ZNF44: variants seen among roughly 807,000 people sequenced by gnomAD.
ZNF44 encodes zinc finger protein 44.
Under a neutral mutation model 11.7 loss-of-function variants are expected in ZNF44, and 9 were observed. The ratio of observed to expected loss-of-function variants is 0.77; its 90% CI spans 0.46 to 1.35. The LOEUF (loss-of-function observed/expected upper bound fraction) is 1.35. Among genes scored for constraint, ZNF44 ranks in the 40% most tolerant of loss-of-function variants. ZNF44 has a pLI of 0.00. For missense variants in ZNF44, 696 were observed against 743.1 expected (o/e 0.94, Z 0.74); for synonymous variants, 224 against 242.7 (o/e 0.92, Z 0.72).
At chr19:12,250,389 G>C (rs755359376) in intron 5 of ZNF44, 1 of 1,343,424 alleles carries the variant, frequency 7.4e-7, no homozygotes. Context: ...CCAAATGTGT[G>C]TAAAGGAGAA....
upstream of ZNF44, among the ~76,000 whole-genome samples, chr19:12,240,261 C>T (rs182465530): frequency 5.3e-5 from 8 of 151,648 alleles, no homozygotes; most frequent in East Asian, 2.0e-4. Flanking sequence ...ATGGCCAACA[C>T]GGTGAAACCC....
chr19:12,228,602 A>G (rs191300827), intron 3 of ZNF44, among the ~76,000 whole-genome samples: 20 of 152,308 alleles, frequency 1.3e-4, no homozygotes, highest in Middle Eastern at 3.4e-3. Flanking sequence ...ACATGCCTCA[A>G]CTTTCTGACT....
intron 2 of ZNF44, among the ~76,000 whole-genome samples, chr19:12,232,581 A>G (rs79408090): frequency 5.9e-5 from 9 of 152,228 alleles, no homozygotes; most frequent in Admixed American, 1.3e-4. Context: ...TCTGTTTAAC[A>G]AAGCACATCT....
chr19:12,266,262 C>T, intron 5 of ZNF44: 1 of 985,382 alleles, frequency 1.0e-6, no homozygotes, highest in Non-Finnish European at 1.2e-6. Flanking sequence ...GGACCCCAGC[C>T]CGGCACACTC....
At chr19:12,258,221 T>A (rs1917346316) in intron 5 of ZNF44, among the ~76,000 whole-genome samples, 1 of 148,822 alleles carries the variant, frequency 6.7e-6, no homozygotes, top group Non-Finnish European at 1.5e-5. Flanking sequence ...TGGTCTCAGC[T>A]TCTCAGGAAG....
chr19:12,277,770 G>A (rs1332828066), intron 1 of ZNF44, among the ~76,000 whole-genome samples: 2 of 152,150 alleles, frequency 1.3e-5, no homozygotes, highest in Non-Finnish European at 2.9e-5. Flanking sequence ...ATCACATTTT[G>A]TTTCCACATT....
chr19:12,237,972 A>G (rs1047605157), upstream of ZNF44: 4 of 152,218 alleles, frequency 2.6e-5, no homozygotes, highest in African/African-American at 4.8e-5. Context: ...TCCGTGTCCA[A>G]TTGAGCCAGT....
chr19:12,257,385 C>T (rs1405988105), intron 5 of ZNF44, among the ~76,000 whole-genome samples: 1 of 152,094 alleles, frequency 6.6e-6, no homozygotes, highest in East Asian at 1.9e-4. Context: ...TGCGGTGGCT[C>T]ACACCTATAA....
intron 1 of ZNF44, chr19:12,284,761 G>T: frequency 1.2e-6 from 1 of 860,372 alleles, no homozygotes; most frequent in Admixed American, 2.0e-5. Flanking sequence ...GCCATCCGCG[G>T]GGCCATCATC....
intron 1 of ZNF44, among the ~76,000 whole-genome samples, chr19:12,280,584 A>G (rs1283045468): frequency 6.6e-6 from 1 of 152,150 alleles, no homozygotes; most frequent in Non-Finnish European, 1.5e-5. Flanking sequence ...AATAATATAC[A>G]TGTTTATCTG....
At chr19:12,271,418 C>A (rs1966944159), downstream of ZNF44, among the ~76,000 whole-genome samples, 1 of 152,146 alleles carries the variant, frequency 6.6e-6, no homozygotes, top group African/African-American at 2.4e-5. Flanking sequence ...TGCAAAGAGT[C>A]AACATCTTCA....
In ZNF44 at chr19:12,294,712, T is replaced by C. The variant is rs1358224841; in HGVS notation, c.-18A>G. ...CTCACCATTTCCCGGCTGTGCGGTG[T>C]CCCGGGTCCTCCCAACTCCCGTAGT... is the stretch of plus-strand genomic sequence containing the variant. On this transcript the variant is annotated 5_prime_UTR_variant, in exon 1 of 4. Coordinates refer to ENST00000355684, the MANE Select transcript of ZNF44 (RefSeq NM_016264.4). The C allele has an allele frequency of 6.4e-7, 1 of 1,556,286 alleles. No individual in the cohort carries two copies. The highest frequency in any genetic ancestry group is 8.7e-7 in the Non-Finnish European group (1 of 1,150,952).
At chr19:12,288,628 G>A (rs965525515) in intron 1 of ZNF44, among the ~76,000 whole-genome samples, 1 of 151,234 alleles carries the variant, frequency 6.6e-6, no homozygotes, top group African/African-American at 2.4e-5. Context: ...AGTAATCCCA[G>A]CTACTCAGGA....
Position 12,273,341 on chromosome 19 carries a change from C to G in ZNF44, c.914G>C (p.Gly305Ala), listed in dbSNP as rs1967056081. 1.2e-6 allele frequency: 2 copies of G among 1,613,838 alleles called. No individual in the cohort carries two copies. The highest frequency in any genetic ancestry group is 1.7e-6 in the Non-Finnish European group (2 of 1,179,912). The change falls in exon 4 of 4, where the codon GGA becomes GCA. Residue 305 changes from glycine (G) to alanine (A), a missense_variant. By Grantham distance (60) the Gly-to-Ala change is moderately conservative. Transcript: ENST00000355684. ...SLRVHERIHT[G>A]EKPYTCKQCG... Reference sequence around the variant, plus strand: ...CTGTTTACATGTATAGGGTTTCTCTCCAGTGTGAATTCTTTCATGTACTCG... The same window carrying G: ...CTGTTTACATGTATAGGGTTTCTCTGCAGTGTGAATTCTTTCATGTACTCG...
downstream of ZNF44, among the ~76,000 whole-genome samples, chr19:12,268,516 C>A (rs1206601012): frequency 3.3e-5 from 5 of 152,262 alleles, no homozygotes; most frequent in African/African-American, 1.2e-4. Context: ...TTTCATTCCA[C>A]ATGATTGCCT....
chr19:12,270,615 C>A (rs372636288), downstream of ZNF44, among the ~76,000 whole-genome samples: 12 of 152,122 alleles, frequency 7.9e-5, no homozygotes, highest in East Asian at 2.3e-3. Context: ...CCAGGCCCAG[C>A]TAATTTTTGT....
At chr19:12,267,847 T>TTA (rs1917789399), downstream of ZNF44, among the ~76,000 whole-genome samples, 3 of 150,830 alleles carry the variant, frequency 2.0e-5, no homozygotes, top group South Asian at 2.1e-4. Context: ...TTTTTTTTTT[T>TTA]AATTTTTGAG....
At chr19:12,288,830 T>C (rs1188440599) in intron 1 of ZNF44, among the ~76,000 whole-genome samples, 4 of 131,356 alleles carry the variant, frequency 3.0e-5, no homozygotes, top group Non-Finnish European at 6.3e-5. Context: ...CCCACCACCA[T>C]GCCCAGTTCT....
At chr19:12,260,594 A>C (rs1466917187) in intron 5 of ZNF44, 12 of 646,176 alleles carry the variant, frequency 1.9e-5, no homozygotes, top group Non-Finnish European at 3.0e-5. Flanking sequence ...CCAGCCCCTC[A>C]TGCCCGCAAA....
Sources: allele counts gnomAD v4.1 joint callset (sites outside exome capture counted in the v4.1 genomes callset), GRCh38; gene constraint gnomAD v4.1.1; transcripts MANE v1.5; gene names NCBI Gene and HGNC (gene_info 2026-07-23, HGNC 2026-07-21).